The following TADA2A variants were observed in gnomAD, a reference collection of about 807,000 sequenced individuals.
The protein encoded by TADA2A is transcriptional adapter 2-alpha.
In TADA2A, 38 loss-of-function variants were observed where a neutral mutation model predicts 67.4. The observed-to-expected ratio is 0.56, with a 90% confidence interval of 0.44 to 0.74. The LOEUF (loss-of-function observed/expected upper bound fraction) is 0.74. TADA2A is among the 30% of genes least tolerant of loss of function. TADA2A has a pLI of 0.00. For missense variants in TADA2A, 454 were observed against 547.0 expected, an observed-to-expected ratio of 0.83 and a Z score of 1.70; for synonymous variants, 192 against 181.6, an observed-to-expected ratio of 1.06 and a Z score of -0.46.
intron 4 of TADA2A, among the ~76,000 whole-genome samples, chr17:37,429,720 T>C (rs1049526221): frequency 6.6e-5 from 10 of 152,214 alleles, no homozygotes; most frequent in Non-Finnish European, 1.2e-4. Flanking sequence ...TCTGGGCTTA[T>C]AATATTCAGG....
At chr17:37,418,618 T>G (rs1445753515) in intron 2 of TADA2A, among the ~76,000 whole-genome samples, 2 of 151,044 alleles carry the variant, frequency 1.3e-5, no homozygotes, top group African/African-American at 2.4e-5. Flanking sequence ...TGAGACGGAG[T>G]TTCGCTGTTG....
At chr17:37,441,284 C>A (rs1018854237) in intron 6 of TADA2A, among the ~76,000 whole-genome samples, 2 of 152,056 alleles carry the variant, frequency 1.3e-5, no homozygotes, top group Non-Finnish European at 2.9e-5. Context: ...AAAGGGAAAA[C>A]CTTTTCTATG....
In TADA2A at chr17:37,476,940, C is replaced by A; in HGVS notation, c.1290C>A (p.Ile430=). The A allele has an allele frequency of 6.2e-7, 1 of 1,613,966 alleles. No individual in the cohort carries two copies. The highest frequency in any genetic ancestry group is 1.6e-4 in the Middle Eastern group (1 of 6,062). The change falls in exon 16 of 16, where the codon ATC becomes ATA. Residue 430 remains isoleucine (I), a synonymous_variant. Transcript: ENST00000615182. ...IKIDVNKTRK[I]YDFLIREGYI... ...TAGATGTGAACAAAACCCGGAAAAT[C>A]TATGATTTCCTCATCAGAGAAGGAT... is the stretch of plus-strand genomic sequence containing the variant.
chr17:37,467,549 C>CAGTA, intron 12 of TADA2A, 24 bp downstream of exon 12: 1 of 1,582,800 alleles, frequency 6.3e-7, no homozygotes, highest in Non-Finnish European at 8.6e-7. Context: ...AGCTACATAC[C>CAGTA]GTACTTGAGG....
intron 10 of TADA2A, 107 bp downstream of exon 10, chr17:37,462,228 G>A (rs966845371): frequency 1.4e-6 from 1 of 729,422 alleles, no homozygotes; most frequent in Admixed American, 2.8e-5. Context: ...ATATTAGCCT[G>A]GCTATCACTC....
At chr17:37,436,182 G>A (rs1397191613) in intron 4 of TADA2A, among the ~76,000 whole-genome samples, 1 of 151,602 alleles carries the variant, frequency 6.6e-6, no homozygotes, top group African/African-American at 2.4e-5. Flanking sequence ...CAATACTAAA[G>A]AAACATTTTA....
chr17:37,463,662 T>C (rs1255563353), intron 10 of TADA2A, among the ~76,000 whole-genome samples: 1 of 151,924 alleles, frequency 6.6e-6, no homozygotes, highest in Non-Finnish European at 1.5e-5. Context: ...TATTTATTTA[T>C]TTTTTGAGAC....
intron 6 of TADA2A, 45 bp downstream of exon 6, chr17:37,440,707 G>A (rs953199558): frequency 2.5e-6 from 4 of 1,607,202 alleles, no homozygotes; most frequent in Non-Finnish European, 2.6e-6. Flanking sequence ...GCTCATCCTT[G>A]GGCCCTGTTT....
chr17:37,462,661 T>G (rs1597931245), intron 10 of TADA2A, among the ~76,000 whole-genome samples: 1 of 152,048 alleles, frequency 6.6e-6, no homozygotes, highest in Non-Finnish European at 1.5e-5. Flanking sequence ...AGCAAATAAA[T>G]AAATGTATTA....
intron 2 of TADA2A, among the ~76,000 whole-genome samples, chr17:37,417,806 A>T (rs2052098315): frequency 6.6e-6 from 1 of 152,196 alleles, no homozygotes; most frequent in Admixed American, 6.5e-5. Flanking sequence ...AAGTGCTGGG[A>T]TTACAGGCAT....
intron 2 of TADA2A, among the ~76,000 whole-genome samples, chr17:37,417,912 T>C (rs2052100955): frequency 6.6e-6 from 1 of 152,154 alleles, no homozygotes; most frequent in South Asian, 2.1e-4. Flanking sequence ...TAATCTATGG[T>C]AAAACAATGC....
chr17:37,408,719 A>C (rs1322233322), intron 1 of TADA2A: 2 of 152,198 alleles, frequency 1.3e-5, no homozygotes, highest in Admixed American at 6.5e-5. Context: ...TAGCAAATTG[A>C]AAAAGTTCAG....
intron 4 of TADA2A, among the ~76,000 whole-genome samples, chr17:37,432,308 T>C (rs1332223415): frequency 1.3e-5 from 2 of 151,978 alleles, no homozygotes; most frequent in Non-Finnish European, 2.9e-5. Context: ...GGGATTATTA[T>C]AGGCGTCCAC....
intron 4 of TADA2A, among the ~76,000 whole-genome samples, chr17:37,434,382 G>A (rs1230689924): frequency 2.6e-5 from 4 of 152,206 alleles, no homozygotes; most frequent in African/African-American, 9.7e-5. Flanking sequence ...GAAGGGGTAC[G>A]GAGCTTTCCT....
chr17:37,440,211 G>T (rs1464643773), intron 5 of TADA2A, among the ~76,000 whole-genome samples: 1 of 152,008 alleles, frequency 6.6e-6, no homozygotes, highest in Non-Finnish European at 1.5e-5. Context: ...AAAGTGCTGG[G>T]ATTACAGGTG....
chr17:37,431,644 G>A (rs544732474), intron 4 of TADA2A, among the ~76,000 whole-genome samples: 1 of 149,482 alleles, frequency 6.7e-6, no homozygotes, highest in Admixed American at 6.7e-5. Flanking sequence ...GGTTGATTTC[G>A]GCTCACTGCA....
At chr17:37,439,336 AC>A (rs2052828693) in intron 5 of TADA2A, among the ~76,000 whole-genome samples, 1 of 152,076 alleles carries the variant, frequency 6.6e-6, no homozygotes. Context: ...AGGGTGGAGT[AC>A]AGGGGCATGA....
intron 2 of TADA2A, among the ~76,000 whole-genome samples, chr17:37,415,997 T>C (rs760318627): frequency 2.2e-4 from 34 of 152,172 alleles, no homozygotes; most frequent in Non-Finnish European, 7.3e-5. Flanking sequence ...AAATTTTATC[T>C]TGCTTATGAG....
intron 9 of TADA2A, among the ~76,000 whole-genome samples, chr17:37,460,189 C>T (rs2053514164): frequency 6.6e-6 from 1 of 150,926 alleles, no homozygotes; most frequent in Non-Finnish European, 1.5e-5. Context: ...GCTGGAATTA[C>T]AGGTGTGAGC....
Sources: gnomAD v4.1 joint callset for allele counts (sites outside exome capture counted in the v4.1 genomes callset) on GRCh38, gnomAD v4.1.1 for gene constraint, MANE v1.5 for transcripts, NCBI Gene and HGNC (gene_info 2026-07-23, HGNC 2026-07-21) for gene names.